The following CHPT1 variants were observed in gnomAD, a reference collection of about 807,000 sequenced individuals.
CHPT1 encodes the protein cholinephosphotransferase 1.
Under a neutral mutation model 47.6 loss-of-function variants are expected in CHPT1, and 36 were observed. That is an observed-to-expected ratio of 0.76 (90% CI 0.58 to 1.00). The LOEUF (loss-of-function observed/expected upper bound fraction) is 1.00. Among genes scored for constraint, CHPT1 ranks in the 50% least tolerant of loss-of-function variants. The pLI, the probability that CHPT1 is intolerant of heterozygous loss-of-function variation, is 0.00. For synonymous variants in CHPT1, 194 were observed against 186.3 expected, an observed-to-expected ratio of 1.04 and a Z score of -0.33; for missense variants, 458 against 498.1, an observed-to-expected ratio of 0.92 and a Z score of 0.77.
intron 5 of CHPT1, among the ~76,000 whole-genome samples, chr12:101,721,599 T>C (rs1047704841): frequency 6.6e-6 from 1 of 152,208 alleles, no homozygotes; most frequent in Admixed American, 6.5e-5. Flanking sequence ...AGTTCTGATA[T>C]ATTTGGAAAA....
chr12:101,702,487 A>C (rs865861516), intron 1 of CHPT1, among the ~76,000 whole-genome samples: 1 of 152,184 alleles, frequency 6.6e-6, no homozygotes, highest in Admixed American at 6.5e-5. Flanking sequence ...TTCTCTGTTT[A>C]AATAACTTAT....
Position 101,726,651 on chromosome 12 carries a change from T to TAAAG in CHPT1, c.1176+251_1176+254dup, listed in dbSNP as rs573387032. 18 of 481,696 alleles carry TAAAG rather than the reference T, an allele frequency of 3.7e-5. No individual in the cohort carries two copies. The East Asian group carries it at 5.0e-4, about 13-fold the overall frequency. The allele number at this position is 481,696 out of a possible 1,614,324, so 29.8% of individuals were successfully genotyped here. On this transcript the variant is annotated intron_variant, in intron 8 of 8. Coordinates refer to ENST00000229266, the MANE Select transcript of CHPT1 (RefSeq NM_020244.3). ...TCTACATATTAATTAGAAACAAGAC[T>TAAAG]AAAGAAATGTCAATCCTGAGGACAA...
At chr12:101,705,318 C>T (rs1328927729) in intron 1 of CHPT1, among the ~76,000 whole-genome samples, 1 of 94,308 alleles carries the variant, frequency 1.1e-5, no homozygotes, top group Non-Finnish European at 2.0e-5. Flanking sequence ...CCACCTCAGC[C>T]TCCCAAAGTG....
At chr12:101,716,408 A>G (rs1305054798) in intron 3 of CHPT1, among the ~76,000 whole-genome samples, 1 of 152,198 alleles carries the variant, frequency 6.6e-6, no homozygotes, top group Non-Finnish European at 1.5e-5. Flanking sequence ...TTATTGTGAA[A>G]AAACTTCAGA....
At position 101,723,203 on chromosome 12, in the gene CHPT1, A is replaced by C. The variant is rs1432593884; in HGVS notation, c.816A>C (p.Gly272=). The change falls in exon 6 of 9, where the codon GGA becomes GGC. Residue 272 remains glycine (G), a synonymous_variant. Transcript: ENST00000229266. The stretch of plus-strand genomic sequence containing the variant: ...TCTTGTCACCTGGACTCCACATAGG[A>C]CTAATTATTATACTGGCAATAATGA... ...TSVLSPGLHI[G]LIIILAIMIY... 1.2e-5 allele frequency: 20 copies of C among 1,612,828 alleles called. No individual in the cohort carries two copies. Among genetic ancestry groups the C allele is most frequent in the Non-Finnish European group, 1.6e-5 (19 of 1,179,108 alleles).
chr12:101,715,190 T>C (rs1566039664), intron 3 of CHPT1: 1 of 152,270 alleles, frequency 6.6e-6, no homozygotes, highest in African/African-American at 2.4e-5. Flanking sequence ...GCCTCTTTCT[T>C]AGAGACCAGG....
intron 5 of CHPT1, among the ~76,000 whole-genome samples, chr12:101,722,294 G>A (rs1048572833): frequency 9.9e-5 from 15 of 151,864 alleles, no homozygotes; most frequent in Admixed American, 3.9e-4. Flanking sequence ...TGGTATTACT[G>A]TAATTTTATA....
intron 1 of CHPT1, among the ~76,000 whole-genome samples, chr12:101,701,046 G>A (rs1040265449): frequency 9.2e-5 from 14 of 152,238 alleles, no homozygotes; most frequent in South Asian, 4.1e-4. Flanking sequence ...CATTTGATAC[G>A]TTTTTAAGCA....
At chr12:101,703,995 AAT>A (rs1410639421) in intron 1 of CHPT1, among the ~76,000 whole-genome samples, 1 of 152,336 alleles carries the variant, frequency 6.6e-6, no homozygotes, top group East Asian at 1.9e-4. Flanking sequence ...ACATATGCAC[AAT>A]ATGTCTTCTA....
chr12:101,727,824 CT>C (rs1206515659), intron 8 of CHPT1: 2 of 150,850 alleles, frequency 1.3e-5, no homozygotes, highest in Non-Finnish European at 2.9e-5. Flanking sequence ...AGACTAATTT[CT>C]TCCTGTACAA....
intron 1 of CHPT1, among the ~76,000 whole-genome samples, chr12:101,705,354 C>T (rs1951616740): frequency 1.1e-5 from 1 of 88,546 alleles, no homozygotes; most frequent in African/African-American, 6.9e-5. Context: ...TGAGCCACCG[C>T]ACCTGGCCCT....
At chr12:101,719,929 A>G (rs1391928794) in intron 4 of CHPT1, 194 bp from the exon 5 acceptor site, 1 of 330,608 alleles carries the variant, frequency 3.0e-6, no homozygotes, top group East Asian at 5.9e-5. Flanking sequence ...AAAAATAATA[A>G]AAATTTAAAA....
In CHPT1 at chr12:101,697,775, G is replaced by T. The variant is rs1951483317; in HGVS notation, c.-87G>T. 4.9e-6 allele frequency: 2 copies of T among 412,160 alleles called. No individual in the cohort carries two copies. Among genetic ancestry groups the T allele is most frequent in the Non-Finnish European group, 6.7e-6 (2 of 300,078 alleles). The allele number at this position is 412,160 out of a possible 1,614,324, so 25.5% of individuals were successfully genotyped here. A position where few individuals can be genotyped will look rare whatever the true frequency, so the allele number is the denominator to read the frequency against. On this transcript the variant is annotated 5_prime_UTR_variant, in exon 1 of 9. Transcript: ENST00000229266. ...TCCAGCCCGGCAGTCGCAGGACCCGGCCGCCAGCCTCTCCCTCCACCTCTC... is the reference window on the plus strand; with the variant it reads ...TCCAGCCCGGCAGTCGCAGGACCCGTCCGCCAGCCTCTCCCTCCACCTCTC...
chr12:101,698,102 C>A lies in CHPT1; in HGVS notation c.241C>A (p.Leu81Ile). The part of the protein sequence containing the change: ...LAVNVVTTLV[L>I]ISYCPTATEE... ...CGTCAACGTGGTCACCACGCTCGTG[C>A]TCATCTCCTACTGTCCCACGGCCAC... The change falls in exon 1 of 9, where the codon CTC (leucine) becomes ATC (isoleucine). Residue 81 changes from leucine to isoleucine, a missense_variant. Transcript: ENST00000229266. 6.4e-7 allele frequency: 1 copy of A among 1,552,500 alleles called. No homozygotes were observed. Among genetic ancestry groups the A allele is most frequent in the Admixed American group, 1.8e-5 (1 of 54,364 alleles).
chr12:101,721,229 A>T (rs1001849257), intron 5 of CHPT1, among the ~76,000 whole-genome samples: 1 of 152,244 alleles, frequency 6.6e-6, no homozygotes, highest in Admixed American at 6.5e-5. Context: ...CGGCGGTTGC[A>T]GTAAGCTGAG....
chr12:101,726,204 A>G, intron 7 of CHPT1, 90 bp from the exon 8 acceptor site: 1 of 839,066 alleles, frequency 1.2e-6, no homozygotes, highest in Non-Finnish European at 1.9e-6. Flanking sequence ...TTTTAGGTTA[A>G]GGTTTGATAT....
At chr12:101,722,591 G>A (rs222505) in intron 5 of CHPT1, among the ~76,000 whole-genome samples, 23 of 151,654 alleles carry the variant, frequency 1.5e-4, no homozygotes, top group Admixed American at 4.6e-4. Flanking sequence ...GGTGGCTCTC[G>A]CCTGTAATCC....
At chr12:101,719,500 C>A in intron 4 of CHPT1, 1 of 1,271,648 alleles carries the variant, frequency 7.9e-7, no homozygotes, top group Non-Finnish European at 1.0e-6. Context: ...TTTTCTTGAA[C>A]AGCAGTTGAC....
chr12:101,703,575 G>A (rs554188026), intron 1 of CHPT1, among the ~76,000 whole-genome samples: 8 of 152,278 alleles, frequency 5.3e-5, no homozygotes, highest in African/African-American at 9.6e-5. Flanking sequence ...GGTCTGGGTC[G>A]AAAGCAGTGA....
Sources: gnomAD v4.1 joint callset for allele counts (sites outside exome capture counted in the v4.1 genomes callset) on GRCh38, gnomAD v4.1.1 for gene constraint, MANE v1.5 for transcripts, NCBI Gene and HGNC (gene_info 2026-07-23, HGNC 2026-07-21) for gene names.